The following BRAP variants were observed in gnomAD, a reference collection of about 807,000 sequenced individuals.
BRAP encodes BRCA1-associated protein.
Under a neutral mutation model 73.4 loss-of-function variants are expected in BRAP, and 42 were observed. The observed-to-expected ratio is 0.57, with a 90% CI of 0.45 to 0.74. The LOEUF (loss-of-function observed/expected upper bound fraction) is 0.74. Ranked by LOEUF, BRAP falls within the 30% of genes least tolerant of loss-of-function variation. BRAP has a pLI of 0.00. For synonymous variants in BRAP, 255 were observed against 267.4 expected (o/e 0.95, Z 0.45); for missense variants, 593 against 751.4 (o/e 0.79, Z 2.46).
chr12:111,660,478 G>T, intron 7 of BRAP, 122 bp downstream of exon 7: 1 of 833,224 alleles, frequency 1.2e-6, no homozygotes, highest in Non-Finnish European at 1.6e-6. Context: ...AGTAAGCCCT[G>T]TCTCTTAAAA....
At chr12:111,669,998 A>G (rs111230081) in intron 5 of BRAP, 30 of 647,548 alleles carry the variant, frequency 4.6e-5, no homozygotes, top group East Asian at 4.4e-4. Context: ...CTTCATCTTC[A>G]TCTTTGCTTC....
At chr12:111,655,527 T>C (rs1447205421) in intron 10 of BRAP, 39 bp downstream of exon 10, 2 of 1,519,262 alleles carry the variant, frequency 1.3e-6, no homozygotes, top group African/African-American at 2.8e-5. Flanking sequence ...TGCCCTGCCA[T>C]GTGTCATTTC....
chr12:111,658,705 A>T (rs1446670702), intron 9 of BRAP, 31 bp downstream of exon 9: 1 of 1,396,174 alleles, frequency 7.2e-7, no homozygotes, highest in Admixed American at 1.8e-5. Flanking sequence ...CAGTAGAAAC[A>T]GATAGAGTGA....
At chr12:111,684,984 G>A (rs767787169) in intron 1 of BRAP, among the ~76,000 whole-genome samples, 5 of 152,134 alleles carry the variant, frequency 3.3e-5, no homozygotes, top group Admixed American at 6.5e-5. Flanking sequence ...TTTCTTGAAT[G>A]AATGTTAGTT....
rs1019428261 is a variant in BRAP, at chr12:111,664,331, C to CA, written c.896+1307dup. On this transcript the variant is annotated intron_variant, in intron 6 of 11. Transcript: ENST00000419234. ...CGGGTGACAGAGCAAGACCCTGTCTCAAAAAAAAAGTAAAACTGGAGTGGC... is the reference window on the plus strand; with the variant it reads ...CGGGTGACAGAGCAAGACCCTGTCTCAAAAAAAAAAGTAAAACTGGAGTGGC... Among the ~76,000 whole-genome samples the CA allele has an allele frequency of 4.6e-5, 7 of 150,578 alleles. 1 individual carries two copies. The South Asian group carries it at 1.3e-3, about 27-fold the overall frequency.
rs2135888841 is a variant in BRAP, at chr12:111,644,562, C to A, written c.1416G>T (p.Lys472Asn). The change falls in exon 12 of 12, where the codon AAG (lysine) becomes AAT (asparagine). Residue 472 changes from lysine (K) to asparagine (N), a missense_variant and splice_region_variant. By Grantham distance (94) the Lys-to-Asn change is moderately conservative. Around this residue, in one of 4 missense-constraint regions of BRAP, gnomAD observed 143 missense variants for 190.4 expected, o/e 0.75. Transcript: ENST00000419234. ...CCACTTTTGTGTTTAGCTGAGTGCA[C>A]CTTTTGAAAAACAAAGGAAGACAAA... ...LLKEKQSVER[K>N]CTQLNTKVAK... 6.2e-7 allele frequency: 1 copy of A among 1,607,764 alleles called. No homozygotes were observed. Among genetic ancestry groups the A allele is most frequent in the Middle Eastern group, 1.7e-4 (1 of 6,020 alleles).
At chr12:111,679,493 T>C (rs1246818547) in intron 3 of BRAP, among the ~76,000 whole-genome samples, 153 bp from the exon 4 acceptor site, 1 of 152,206 alleles carries the variant, frequency 6.6e-6, no homozygotes, top group Non-Finnish European at 1.5e-5. Flanking sequence ...CATTGGACTT[T>C]TTAATCTTCA....
rs1238214862 is a variant in BRAP, at chr12:111,685,001, C to A, written c.82+710G>T. Among the ~76,000 whole-genome samples, 9 of 152,294 alleles carry A rather than the reference C, an allele frequency of 5.9e-5. No individual in the cohort carries two copies. In the South Asian group the frequency reaches 1.4e-3, roughly 25 times the overall value. On this transcript the variant is annotated intron_variant, in intron 1 of 11. Coordinates refer to ENST00000419234, the MANE Select transcript of BRAP (RefSeq NM_006768.5). ...TCTTGAATGAATGTTAGTTAATTAT[C>A]TGAGGACCAAGGAACAGAGCCAGAG... is the stretch of plus-strand genomic sequence containing the variant.
chr12:111,679,404 A>G, intron 3 of BRAP, 64 bp from the exon 4 acceptor site: 12 of 1,178,676 alleles, frequency 1.0e-5, no homozygotes, highest in Non-Finnish European at 1.3e-5. Context: ...ACAATACTAG[A>G]CAACTTTTAT....
chr12:111,676,568 C>A (rs983648173), intron 4 of BRAP, among the ~76,000 whole-genome samples: 3 of 152,190 alleles, frequency 2.0e-5, no homozygotes, highest in African/African-American at 4.8e-5. Context: ...CGTGCGCCAC[C>A]ACATCCAGCT....
At chr12:111,674,286 A>C (rs1425216424) in intron 4 of BRAP, among the ~76,000 whole-genome samples, 1 of 151,648 alleles carries the variant, frequency 6.6e-6, no homozygotes, top group Non-Finnish European at 1.5e-5. Flanking sequence ...TTTGTCACCC[A>C]GGCTGGAGAG....
chr12:111,680,986 T>C (rs2135930607), intron 3 of BRAP, among the ~76,000 whole-genome samples: 1 of 152,308 alleles, frequency 6.6e-6, no homozygotes, highest in African/African-American at 2.4e-5. Context: ...TCAGTAAAGA[T>C]TTGGTGGGGA....
At position 111,681,651 on chromosome 12, in the gene BRAP, G is replaced by A; in HGVS notation, c.429C>T (p.His143=). The A allele has an allele frequency of 6.2e-7, 1 of 1,611,830 alleles. No individual in the cohort carries two copies. Among genetic ancestry groups the A allele is most frequent in the Non-Finnish European group, 8.5e-7 (1 of 1,178,600 alleles). Residue 143 remains histidine, a synonymous_variant, in exon 3 of 12, where the codon CAC becomes CAT. Coordinates refer to ENST00000419234, the MANE Select transcript of BRAP (RefSeq NM_006768.5). ...GGTTTTCTTACTTTGTCTTATATAG[G>A]TGCATAATACCATGAACTATTTCAA... ...PSVEIVHGIM[H]LYKTNKMTSL...
At chr12:111,654,603 A>T (rs988049098) in intron 10 of BRAP, among the ~76,000 whole-genome samples, 3 of 152,288 alleles carry the variant, frequency 2.0e-5, no homozygotes. Flanking sequence ...GGTGTGAGCC[A>T]CTACACCTGG....
At chr12:111,676,947 A>G (rs1887405967) in intron 4 of BRAP, among the ~76,000 whole-genome samples, 1 of 152,202 alleles carries the variant, frequency 6.6e-6, no homozygotes, top group Non-Finnish European at 1.5e-5. Flanking sequence ...GCAATAAATA[A>G]TACAACTCAT....
chr12:111,654,403 C>T (rs1216622595), intron 10 of BRAP, among the ~76,000 whole-genome samples: 1 of 151,838 alleles, frequency 6.6e-6, no homozygotes, highest in Non-Finnish European at 1.5e-5. Flanking sequence ...GCAACCTCTG[C>T]CTCCTGGGCT....
At chr12:111,675,300 G>A (rs1887338628) in intron 4 of BRAP, among the ~76,000 whole-genome samples, 1 of 151,792 alleles carries the variant, frequency 6.6e-6, no homozygotes, top group Non-Finnish European at 1.5e-5. Context: ...GAAGAAGCAT[G>A]TAGGTGAGTT....
rs1258207693 is a variant in BRAP, at chr12:111,685,786, C to T, written c.7G>A (p.Val3Met). The T allele has an allele frequency of 1.9e-6, 3 of 1,607,914 alleles. No homozygotes were observed. The highest frequency in any genetic ancestry group is 2.5e-6 in the Non-Finnish European group (3 of 1,177,610). Residue 3 changes from valine to methionine, a missense_variant, in exon 1 of 12, where the codon GTG (valine) becomes ATG (methionine). Val to Met is a conservative substitution (Grantham distance 21, BLOSUM62 1). Around this residue, in one of 4 missense-constraint regions of BRAP, gnomAD observed 304 missense variants for 337.7 expected, o/e 0.90. Transcript: ENST00000419234. ...TCCAATCGGATAACAACCAGTGACACACTCATAGGGCAGGCGCTGGCCGGC... is the reference window on the plus strand; with the variant it reads ...TCCAATCGGATAACAACCAGTGACATACTCATAGGGCAGGCGCTGGCCGGC... The part of the protein sequence containing the change: MS[V>M]SLVVIRLELA...
In BRAP at chr12:111,680,508, C is replaced by T. The variant is rs4767336; in HGVS notation, c.443+1129G>A. 8.5e-3 allele frequency among the ~76,000 whole-genome samples: 1,266 copies of T among 148,838 alleles called. 65 individuals carry two copies. The highest frequency in any genetic ancestry group is 0.079 in the Admixed American group (1,171 of 14,880). ...GGTTAGGAGTTCGAGACCAGCCTAG[C>T]CAACATGATGAAACCCCATCTCTGC... On this transcript the variant is annotated intron_variant, in intron 3 of 11. Transcript: ENST00000419234.
Sources: gnomAD v4.1 joint callset for allele counts (sites outside exome capture counted in the v4.1 genomes callset) on GRCh38, gnomAD v4.1.1 for gene constraint, gnomAD v4.1.1 regional missense constraint, MANE v1.5 for transcripts, NCBI Gene and HGNC (gene_info 2026-07-23, HGNC 2026-07-21) for gene names.